The following IDE variants were observed in gnomAD, a reference collection of about 807,000 sequenced individuals.
The protein encoded by IDE is insulin degrading enzyme.
Under a neutral mutation model 133.2 loss-of-function variants are expected in IDE, and 58 were observed. The observed-to-expected ratio is 0.44, with a 90% confidence interval of 0.35 to 0.54. The LOEUF is 0.54. IDE is among the 20% of genes least tolerant of loss of function. IDE has a pLI of 0.00. For synonymous variants in IDE, 396 were observed against 421.3 expected, an observed-to-expected ratio of 0.94 and a Z score of 0.73; for missense variants, 981 against 1,234.0, an observed-to-expected ratio of 0.79 and a Z score of 3.07.
rs1325487052 is a variant in IDE, at chr10:92,452,376, T to C, written c.*2068A>G. 2 of 152,202 alleles carry C rather than the reference T, an allele frequency of 1.3e-5. No individual in the cohort carries two copies. Among genetic ancestry groups the C allele is most frequent in the Admixed American group, 6.5e-5 (1 of 15,274 alleles). The allele number at this position is 152,202 out of a possible 1,614,324, so 9.4% of individuals were successfully genotyped here. On this transcript the variant is annotated 3_prime_UTR_variant, in exon 25 of 25. Transcript: ENST00000265986. ...TTCTTAAGAAGCCTCAGGTAACTAA[T>C]AACTTAGTTCCACAAATCTCATTTA... is the stretch of plus-strand genomic sequence containing the variant.
chr10:92,455,666 A>G (rs2135291221), intron 23 of IDE, 23 bp from the exon 24 acceptor site: 1 of 1,405,188 alleles, frequency 7.1e-7, no homozygotes, highest in Non-Finnish European at 1.0e-6. Flanking sequence ...AAAAGGTTTA[A>G]TACTTTGTAC....
In IDE at chr10:92,487,185, A is replaced by C. The variant is rs1226745995; in HGVS notation, c.1656+11T>G. ...CCCCCAAATTTAAAATCACTGATTC[A>C]AACACATTACCTTAATAAGAGCAGG... On this transcript the variant is annotated intron_variant, in intron 13 of 24. Transcript: ENST00000265986. The C allele has an allele frequency of 5.0e-6, 8 of 1,604,760 alleles. No individual in the cohort carries two copies. Among genetic ancestry groups the C allele is most frequent in the Non-Finnish European group, 6.8e-6 (8 of 1,177,360 alleles).
Position 92,470,319 on chromosome 10 carries a change from A to AGGCCTTAAGGCGAGGAAGGGC in IDE, c.2142_2143insGCCCTTCCTCGCCTTAAGGCC (p.Ala714_Phe715insAlaLeuProArgLeuLysAla). The AGGCCTTAAGGCGAGGAAGGGC allele has an allele frequency of 6.2e-7, 1 of 1,605,432 alleles. No homozygotes were observed. Among genetic ancestry groups the AGGCCTTAAGGCGAGGAAGGGC allele is most frequent in the Non-Finnish European group, 8.5e-7 (1 of 1,175,338 alleles). Reference sequence around the variant, plus strand: ...AGCCGTGACAGGAGCTGAGGTATGAAGGCCTTAAGGCGAGGAAGGGTTACA... The same window carrying AGGCCTTAAGGCGAGGAAGGGC: ...AGCCGTGACAGGAGCTGAGGTATGAAGGCCTTAAGGCGAGGAAGGGCGGCCTTAAGGCGAGGAAGGGTTACA... On this transcript the variant is annotated inframe_insertion, in exon 18 of 25. Coordinates refer to ENST00000265986, the MANE Select transcript of IDE (RefSeq NM_004969.4).
chr10:92,518,561 T>C (rs1041107782), intron 4 of IDE, among the ~76,000 whole-genome samples: 2 of 152,172 alleles, frequency 1.3e-5, no homozygotes, highest in Admixed American at 6.5e-5. Context: ...TCCTACTACA[T>C]AGTAATTCCA....
At chr10:92,537,573 T>C in intron 1 of IDE, 23 bp from the exon 2 acceptor site, 1 of 1,513,146 alleles carries the variant, frequency 6.6e-7, no homozygotes, top group Middle Eastern at 1.7e-4. Context: ...AGATTTTTAA[T>C]TGTTGATTTG....
chr10:92,467,225 T>A (rs117314163), intron 19 of IDE, among the ~76,000 whole-genome samples: 2,937 of 152,224 alleles, frequency 0.019, 44 homozygotes, highest in Admixed American at 0.052. Context: ...TGCGCCACTA[T>A]GCCCAGCTAA....
chr10:92,547,290 T>C (rs542400039), intron 1 of IDE, among the ~76,000 whole-genome samples: 1 of 151,330 alleles, frequency 6.6e-6, no homozygotes, highest in South Asian at 2.1e-4. Flanking sequence ...TTACCATGTT[T>C]CCCAGGATGA....
At chr10:92,537,996 C>T (rs1050971624) in intron 1 of IDE, among the ~76,000 whole-genome samples, 28 of 152,120 alleles carry the variant, frequency 1.8e-4, no homozygotes, top group African/African-American at 6.5e-4. Context: ...CTCAGTCCCC[C>T]CAAGCAGCTG....
intron 23 of IDE, among the ~76,000 whole-genome samples, chr10:92,455,877 G>A (rs1323339970): frequency 6.6e-6 from 1 of 152,050 alleles, no homozygotes; most frequent in Non-Finnish European, 1.5e-5. Flanking sequence ...TAAAACTTTG[G>A]CCACAGCAGT....
At chr10:92,487,531 T>C (rs1321208030) in intron 12 of IDE, among the ~76,000 whole-genome samples, 1 of 152,184 alleles carries the variant, frequency 6.6e-6, no homozygotes, top group Non-Finnish European at 1.5e-5. Context: ...TTTGCACTCA[T>C]ATATCTACTC....
At chr10:92,548,359 CAAAAAAAAAAAAAA>C (rs56347361) in intron 1 of IDE, among the ~76,000 whole-genome samples, 86 of 39,718 alleles carry the variant, frequency 2.2e-3, no homozygotes, top group Middle Eastern at 0.013. Flanking sequence ...AACTCCATCT[CAAAAAAAAAAAAAA>C]AAAAAAAAAA....
intron 11 of IDE, among the ~76,000 whole-genome samples, chr10:92,490,991 A>C (rs1327153069): frequency 1.3e-5 from 2 of 152,174 alleles, no homozygotes; most frequent in African/African-American, 4.8e-5. Context: ...AAATCCCAGC[A>C]CTTTAGGAGG....
chr10:92,469,237 C>T (rs545214578), intron 18 of IDE, among the ~76,000 whole-genome samples: 17 of 152,212 alleles, frequency 1.1e-4, no homozygotes, highest in African/African-American at 4.1e-4. Flanking sequence ...AAAGGCACTG[C>T]CAAAGATGGT....
At chr10:92,478,285 GC>G (rs1449131220) in intron 15 of IDE, among the ~76,000 whole-genome samples, 2 of 152,170 alleles carry the variant, frequency 1.3e-5, no homozygotes, top group African/African-American at 2.4e-5. Flanking sequence ...AATAAAGGGT[GC>G]CTATTTATAA....
At chr10:92,554,295 T>C (rs561385016) in intron 1 of IDE, among the ~76,000 whole-genome samples, 1 of 152,314 alleles carries the variant, frequency 6.6e-6, no homozygotes, top group South Asian at 2.1e-4. Context: ...GGCTCATGCC[T>C]GTCATCCCAG....
intron 13 of IDE, among the ~76,000 whole-genome samples, chr10:92,484,880 T>A (rs1047049368): frequency 3.9e-5 from 6 of 151,924 alleles, no homozygotes; most frequent in Non-Finnish European, 7.4e-5. Context: ...CATAGTGAGA[T>A]CCCACCTCTA....
chr10:92,497,259 G>A (rs1022793983), intron 11 of IDE, among the ~76,000 whole-genome samples: 5 of 152,184 alleles, frequency 3.3e-5, no homozygotes, highest in African/African-American at 4.8e-5. Context: ...TGATCATTGA[G>A]TAATAATAGG....
At chr10:92,561,948 A>C (rs888006894) in intron 1 of IDE, among the ~76,000 whole-genome samples, 2 of 152,180 alleles carry the variant, frequency 1.3e-5, no homozygotes, top group African/African-American at 2.4e-5. Flanking sequence ...AACTTCCTCC[A>C]ATCACTGTAT....
intron 1 of IDE, among the ~76,000 whole-genome samples, chr10:92,546,811 GT>G (rs1283329740): frequency 6.6e-6 from 1 of 152,040 alleles, no homozygotes; most frequent in Non-Finnish European, 1.5e-5. Context: ...GACACTTCCA[GT>G]AACTAATAGC....
Sources: gnomAD v4.1 joint callset for allele counts (sites outside exome capture counted in the v4.1 genomes callset) on GRCh38, gnomAD v4.1.1 for gene constraint, MANE v1.5 for transcripts, NCBI Gene and HGNC (gene_info 2026-07-23, HGNC 2026-07-21) for gene names.